The following NIBAN2 variants were observed in gnomAD, a reference collection of about 807,000 sequenced individuals.
NIBAN2 encodes the protein niban apoptosis regulator 2, also known as protein Niban 2.
NIBAN2 carries 36 observed loss-of-function variants against 81.8 expected under a neutral mutation model. The ratio of observed to expected loss-of-function variants is 0.44; its 90% CI spans 0.34 to 0.58. NIBAN2 has a LOEUF of 0.58. Among genes scored for constraint, NIBAN2 ranks in the 20% least tolerant of loss-of-function variants. NIBAN2 has a pLI of 0.02. For synonymous variants in NIBAN2, 445 were observed against 441.6 expected (o/e 1.01, Z -0.10); for missense variants, 897 against 1,014.1 (o/e 0.88, Z 1.57).
chr9:127,560,940 C>T (rs994628622), intron 1 of NIBAN2, among the ~76,000 whole-genome samples: 1 of 152,138 alleles, frequency 6.6e-6, no homozygotes, highest in Non-Finnish European at 1.5e-5. Context: ...AGGTCACAGA[C>T]AGGGAGAAAA....
chr9:127,523,232 T>A lies in NIBAN2; in HGVS notation c.589+447A>T, dbSNP rs1463838950. On this transcript the variant is annotated intron_variant, in intron 5 of 13. Coordinates refer to ENST00000373312, the MANE Select transcript of NIBAN2 (RefSeq NM_022833.4). The stretch of plus-strand genomic sequence containing the variant: ...ATATATATATATATATATATATATA[T>A]ATATATATATATATATATATAAAAT... 1.1e-3 allele frequency among the ~76,000 whole-genome samples: 24 copies of A among 21,670 alleles called. 2 individuals are homozygous for A. Among genetic ancestry groups the A allele is most frequent in the African/African-American group, 3.6e-3 (17 of 4,732 alleles). 14.2% of individuals were successfully genotyped at this position (21,670 alleles called of 152,430 possible). A position where few individuals can be genotyped will look rare whatever the true frequency, so the allele number is the denominator to read the frequency against.
rs1837812228 is a variant in NIBAN2, at chr9:127,563,704, C to A, written c.55+5116G>T. Reference sequence around the variant, plus strand: ...GGCCCGGCTAATTTTTTAGTAGAGACGTGGTTTCATCATGTTTGCCAGGCT... The same window carrying A: ...GGCCCGGCTAATTTTTTAGTAGAGAAGTGGTTTCATCATGTTTGCCAGGCT... On this transcript the variant is annotated intron_variant, in intron 1 of 13. Transcript: ENST00000373312. The surrounding 1 kb of genome is among the most constrained non-coding windows in gnomAD (Gnocchi z 4.1). 6.6e-6 allele frequency among the ~76,000 whole-genome samples: 1 copy of A among 151,990 alleles called. No individual in the cohort carries two copies.
upstream of NIBAN2, among the ~76,000 whole-genome samples, chr9:127,572,729 A>T (rs375003936): frequency 1.2e-4 from 18 of 152,082 alleles, no homozygotes; most frequent in African/African-American, 3.9e-4. Flanking sequence ...AGTTGAATAA[A>T]TTGTTGCGAG....
intron 2 of NIBAN2, among the ~76,000 whole-genome samples, chr9:127,530,804 T>G (rs1208430610): frequency 1.3e-5 from 2 of 151,948 alleles, no homozygotes; most frequent in Non-Finnish European, 2.9e-5. Flanking sequence ...GCTCTGATGG[T>G]GGAGGAGGTG....
At chr9:127,548,396 G>A (rs77898222) in intron 1 of NIBAN2, among the ~76,000 whole-genome samples, 7,346 of 152,182 alleles carry the variant, frequency 0.048, 500 homozygotes, top group African/African-American at 0.16. Context: ...TCCATCACCA[G>A]AGATGCTGGT....
upstream of NIBAN2, among the ~76,000 whole-genome samples, chr9:127,571,954 T>C (rs1053033196): frequency 9.9e-5 from 15 of 152,218 alleles, no homozygotes; most frequent in Non-Finnish European, 1.6e-4. Flanking sequence ...TAAGAGAACA[T>C]ATTTATCTAA....
At chr9:127,531,624 C>G (rs772516414) in intron 2 of NIBAN2, 24 bp downstream of exon 2, 7 of 1,607,838 alleles carry the variant, frequency 4.4e-6, no homozygotes, top group Admixed American at 1.7e-5. Context: ...CAGAACATAC[C>G]CGAGCCCTCC....
chr9:127,541,232 T>C (rs927497654), intron 1 of NIBAN2, among the ~76,000 whole-genome samples: 1 of 152,168 alleles, frequency 6.6e-6, no homozygotes, highest in African/African-American at 2.4e-5. Flanking sequence ...CAGAGCTGGG[T>C]TGGCATAGAC....
intron 1 of NIBAN2, among the ~76,000 whole-genome samples, chr9:127,549,599 G>A (rs932447688): frequency 6.6e-6 from 1 of 152,196 alleles, no homozygotes; most frequent in African/African-American, 2.4e-5. Context: ...AGTGGGACTG[G>A]GGAGGGGCGA....
In NIBAN2 at chr9:127,563,712, C is replaced by T. The variant is rs1024933950; in HGVS notation, c.55+5108G>A. Among the ~76,000 whole-genome samples the T allele has an allele frequency of 6.6e-6, 1 of 152,104 alleles. No individual in the cohort carries two copies. Among genetic ancestry groups the T allele is most frequent in the Admixed American group, 6.6e-5 (1 of 15,262 alleles). Reference sequence around the variant, plus strand: ...TAATTTTTTAGTAGAGACGTGGTTTCATCATGTTTGCCAGGCTGGTCTCAA... The same window carrying T: ...TAATTTTTTAGTAGAGACGTGGTTTTATCATGTTTGCCAGGCTGGTCTCAA... On this transcript the variant is annotated intron_variant, in intron 1 of 13. Transcript: ENST00000373312. This position sits in a 1 kb window ranked among gnomAD's most constrained non-coding sequence, Gnocchi z 4.1.
chr9:127,531,508 TA>T (rs1564305722), intron 2 of NIBAN2, 139 bp downstream of exon 2: 2 of 677,550 alleles, frequency 3.0e-6, no homozygotes, highest in South Asian at 3.4e-5. Context: ...TAATTAATTT[TA>T]AAAAAAGAAG....
At chr9:127,552,684 G>GTTTTTTTT (rs919155330) in intron 1 of NIBAN2, among the ~76,000 whole-genome samples, 8 of 97,974 alleles carry the variant, frequency 8.2e-5, no homozygotes, top group Admixed American at 1.2e-4. Context: ...TGGAATATTC[G>GTTTTTTTT]TTTTTTTTTT....
chr9:127,570,867 CTG>C (rs1397477728), upstream of NIBAN2, among the ~76,000 whole-genome samples: 1 of 152,228 alleles, frequency 6.6e-6, no homozygotes, highest in African/African-American at 2.4e-5. Context: ...GAGGTGGAAA[CTG>C]AGGCCCAGAG....
In NIBAN2 at chr9:127,506,915, G is replaced by C. The variant is rs768392476; in HGVS notation, c.2171C>G (p.Ser724Cys). 1 of 1,612,444 alleles carries C rather than the reference G, an allele frequency of 6.2e-7. No individual in the cohort carries two copies. Among genetic ancestry groups the C allele is most frequent in the South Asian group, 1.1e-5 (1 of 90,962 alleles). Residue 724 changes from serine to cysteine, a missense_variant, in exon 14 of 14, where the codon TCC becomes TGC. Around this residue, in one of 3 missense-constraint regions of NIBAN2, gnomAD observed 619 missense variants for 691.0 expected, o/e 0.90. Transcript: ENST00000373312. ...PSDQETGEQV[S>C]SPSSHPALHT... Reference sequence around the variant, plus strand: ...GAGGGCGGGGTGGCTGCTGGGGCTGGACACCTGCTCTCCAGTCTCCTGGTC... The same window carrying C: ...GAGGGCGGGGTGGCTGCTGGGGCTGCACACCTGCTCTCCAGTCTCCTGGTC...
intron 1 of NIBAN2, among the ~76,000 whole-genome samples, chr9:127,538,711 G>A (rs10987676): frequency 0.11 from 16,128 of 150,610 alleles, 1,372 homozygotes; most frequent in Admixed American, 0.27. Context: ...TTGGGAGGCC[G>A]AGGCAGGCAG....
chr9:127,534,256 G>C (rs1016014315), intron 1 of NIBAN2, among the ~76,000 whole-genome samples: 1 of 152,250 alleles, frequency 6.6e-6, no homozygotes, highest in Non-Finnish European at 1.5e-5. Flanking sequence ...TCTCAAAACA[G>C]GAGCTGGCAG....
intron 3 of NIBAN2, 107 bp from the exon 4 acceptor site, chr9:127,525,270 G>A (rs1335979905): frequency 7.2e-6 from 5 of 698,594 alleles, no homozygotes; most frequent in Non-Finnish European, 1.2e-5. Flanking sequence ...GGGAGGAGAA[G>A]GGAAAGGAAG....
rs764477616 is a variant in NIBAN2 at position 127,507,107 on chromosome 9, C to T, written c.1979G>A (p.Gly660Asp). ...TGGTGGGGGGCTCTCAGGCCGCAGA[C>T]CTTGGGCCAGCAGGCCTCGGATCTC... ...VTEIRGLLAQ[G>D]LRPESPPPAG... The change falls in exon 14 of 14, where the codon GGT (glycine) becomes GAT (aspartate). Residue 660 changes from glycine to aspartate, a missense_variant. By Grantham distance (94) the Gly-to-Asp change is moderately conservative. Coordinates refer to ENST00000373312, the MANE Select transcript of NIBAN2 (RefSeq NM_022833.4). The surrounding 1 kb of genome is among the most constrained non-coding windows in gnomAD (Gnocchi z 6.8). 3.0e-5 allele frequency: 47 copies of T among 1,585,464 alleles called. No individual in the cohort carries two copies. Among genetic ancestry groups the T allele is most frequent in the Non-Finnish European group, 3.9e-5 (46 of 1,166,272 alleles).
In NIBAN2 at chr9:127,578,667, TA is replaced by T. The variant is rs1015593125; in HGVS notation, c.16+254del. ...GGGGTGACAAGAGTGAAACTCCGCC[TA>T]AAAAAAAAAAAGAAAAGAAAAGAAA... is the stretch of plus-strand genomic sequence containing the variant. On this transcript the variant is annotated intron_variant, in intron 1 of 13. Transcript: ENST00000373314. Among the ~76,000 whole-genome samples the T allele has an allele frequency of 3.0e-3, 418 of 137,612 alleles. 1 individual carries two copies. Among genetic ancestry groups the T allele is most frequent in the African/African-American group, 5.2e-3 (196 of 37,492 alleles). The allele number at this position is 137,612 out of a possible 152,430, so 90.3% of individuals were successfully genotyped here. A position where few individuals can be genotyped will look rare whatever the true frequency, so the allele number is the denominator to read the frequency against.
Sources: gnomAD v4.1 joint callset for allele counts (sites outside exome capture counted in the v4.1 genomes callset) on GRCh38, gnomAD v4.1.1 for gene constraint, gnomAD v4.1.1 regional missense constraint, Gnocchi (gnomAD v3.1) non-coding constraint, MANE v1.5 for transcripts, NCBI Gene and HGNC (gene_info 2026-07-23, HGNC 2026-07-21) for gene names.